The following RTTN variants were observed in gnomAD, a reference collection of about 807,000 sequenced individuals.
RTTN encodes rotatin.
RTTN carries 182 observed loss-of-function variants against 269.2 expected under a neutral mutation model. That is an observed-to-expected ratio of 0.68 (90% CI 0.60 to 0.76). The LOEUF (loss-of-function observed/expected upper bound fraction) is 0.76, where lower values mean the gene tolerates loss of function less well. Among genes scored for constraint, RTTN ranks in the 30% least tolerant of loss-of-function variants. The probability of loss-of-function intolerance (pLI) is 0.00; values close to 1 mark genes in which losing one functional copy is unlikely to be tolerated. For missense variants in RTTN, 2,545 were observed against 2,608.6 expected, an observed-to-expected ratio of 0.98 and a Z score of 0.53; for synonymous variants, 1,006 against 963.5, an observed-to-expected ratio of 1.04 and a Z score of -0.82.
At position 70,150,598 on chromosome 18, in the gene RTTN, A is replaced by T; in HGVS notation, c.2055+10T>A. ...TACTGTAATATTTTCACTCATGTTT[A>T]ATGTCATACCTCACTTTCGGGCTCT... is the stretch of plus-strand genomic sequence containing the variant. On this transcript the variant is annotated intron_variant, in intron 15 of 48. Coordinates refer to ENST00000640769, the MANE Select transcript of RTTN (RefSeq NM_173630.4). The T allele has an allele frequency of 1.2e-6, 2 of 1,610,776 alleles. No homozygotes were observed. Among genetic ancestry groups the T allele is most frequent in the Non-Finnish European group, 1.7e-6 (2 of 1,177,388 alleles).
chr18:70,172,681 A>T (rs1221083696), intron 11 of RTTN, among the ~76,000 whole-genome samples: 4 of 151,982 alleles, frequency 2.6e-5, no homozygotes, highest in African/African-American at 9.7e-5. Context: ...CAATAAAACA[A>T]TAACTACCTT....
At chr18:70,150,561 G>C (rs1197827942) in intron 15 of RTTN, 47 bp downstream of exon 15, 4 of 1,573,308 alleles carry the variant, frequency 2.5e-6, no homozygotes, top group Middle Eastern at 1.7e-4. Context: ...TGATTTAGCT[G>C]AGTATCTAAG....
intron 15 of RTTN, 75 bp downstream of exon 15, chr18:70,150,533 T>C: frequency 2.9e-6 from 4 of 1,385,102 alleles, no homozygotes; most frequent in Non-Finnish European, 4.1e-6. Flanking sequence ...CTATCTAAAC[T>C]ATATTAGAAT....
At position 70,030,012 on chromosome 18, in the gene RTTN, C is replaced by T. The variant is rs755262692; in HGVS notation, c.5745G>A (p.Lys1915=). ...LRPGKAALKK[K]EDGVIKELSI... ...CCATTCATTTATCCCAGAATGTTAC[C>T]TTTTTTTTCAATGCTGCTTTCCCAG... The change falls in exon 42 of 49, where the codon AAG becomes AAA. Residue 1915 remains lysine (K), a splice_region_variant and synonymous_variant. Transcript: ENST00000640769. 1 of 1,604,714 alleles carries T rather than the reference C, an allele frequency of 6.2e-7. No individual in the cohort carries two copies. The highest frequency in any genetic ancestry group is 1.1e-5 in the South Asian group (1 of 90,764).
At chr18:70,099,410 G>T (rs543836036) in intron 28 of RTTN, among the ~76,000 whole-genome samples, 205 of 152,164 alleles carry the variant, frequency 1.3e-3, no homozygotes, top group African/African-American at 4.4e-3. Flanking sequence ...CATATCCTTC[G>T]CCCACTTTTT....
intron 28 of RTTN, among the ~76,000 whole-genome samples, chr18:70,095,130 T>TC (rs1480512122): frequency 6.6e-6 from 1 of 151,158 alleles, no homozygotes; most frequent in East Asian, 1.9e-4. Context: ...ACTCCTGCTT[T>TC]TTTTTTTCTT....
At chr18:70,088,954 AATTTC>A (rs776515663) in intron 30 of RTTN, among the ~76,000 whole-genome samples, 4 of 152,234 alleles carry the variant, frequency 2.6e-5, no homozygotes. Flanking sequence ...CATTTAATTT[AATTTC>A]ATTATATGAC....
intron 46 of RTTN, chr18:70,008,963 A>C (rs543185059): frequency 2.6e-5 from 4 of 152,308 alleles, no homozygotes; most frequent in Admixed American, 2.6e-4. Flanking sequence ...CATAATCATC[A>C]GATTCACCAA....
At chr18:70,032,382 C>A (rs950085883) in intron 40 of RTTN, among the ~76,000 whole-genome samples, 5 of 152,192 alleles carry the variant, frequency 3.3e-5, no homozygotes, top group Admixed American at 6.5e-5. Flanking sequence ...GGACACGCAC[C>A]AGCATTCTTC....
chr18:70,167,852 A>G (rs1272151184), intron 12 of RTTN, among the ~76,000 whole-genome samples: 5 of 152,202 alleles, frequency 3.3e-5, no homozygotes, highest in Non-Finnish European at 7.3e-5. Context: ...AAAATCATAA[A>G]TATCAAGTTC....
chr18:70,078,703 T>C (rs2058488766), intron 32 of RTTN, among the ~76,000 whole-genome samples: 1 of 152,108 alleles, frequency 6.6e-6, no homozygotes, highest in Admixed American at 6.6e-5. Flanking sequence ...TAAGTGTCTC[T>C]GTAGTGAGTT....
At chr18:70,024,918 C>G (rs747841425) in intron 43 of RTTN, 70 bp from the exon 44 acceptor site, 223 of 1,532,076 alleles carry the variant, frequency 1.5e-4, no homozygotes, top group Non-Finnish European at 1.9e-4. Context: ...ATCAAAACAA[C>G]AACAGAAAGC....
intron 14 of RTTN, among the ~76,000 whole-genome samples, chr18:70,165,746 A>T (rs2060968063): frequency 6.6e-6 from 1 of 152,194 alleles, no homozygotes; most frequent in Non-Finnish European, 1.5e-5. Flanking sequence ...ACAACAACCT[A>T]AAAGGTTTCC....
In RTTN at chr18:70,081,772, A is replaced by AT. The variant is rs1004865492; in HGVS notation, c.4374+4840dup. On this transcript the variant is annotated intron_variant, in intron 32 of 48. Transcript: ENST00000640769. ...AGCTGGATCTTGGATCCAGGATTGGATTTTTTTTTCTTTTTTTTCTATTAA... is the reference window on the plus strand; with the variant it reads ...AGCTGGATCTTGGATCCAGGATTGGATTTTTTTTTTCTTTTTTTTCTATTAA... Among the ~76,000 whole-genome samples the AT allele has an allele frequency of 6.3e-4, 96 of 151,490 alleles. 1 individual carries two copies. The highest frequency in any genetic ancestry group is 5.8e-3 in the Admixed American group (88 of 15,196).
At chr18:70,034,888 C>T (rs1249614309) in intron 40 of RTTN, among the ~76,000 whole-genome samples, 1 of 152,120 alleles carries the variant, frequency 6.6e-6, no homozygotes, top group Non-Finnish European at 1.5e-5. Context: ...ACTAACATTC[C>T]TATATACCAA....
At chr18:70,180,397 T>C (rs1032490496) in intron 10 of RTTN, among the ~76,000 whole-genome samples, 1 of 151,298 alleles carries the variant, frequency 6.6e-6, no homozygotes, top group African/African-American at 2.4e-5. Flanking sequence ...GCCTGGCCAA[T>C]CTGGCAAAAC....
chr18:70,134,648 G>A (rs2060079048), intron 22 of RTTN, 107 bp from the exon 23 acceptor site: 2 of 672,412 alleles, frequency 3.0e-6, no homozygotes, highest in Non-Finnish European at 5.2e-6. Flanking sequence ...AAATCAAGCA[G>A]TGCAACTGAG....
chr18:70,008,548 AAAG>A (rs1291920203), intron 46 of RTTN: 1 of 152,144 alleles, frequency 6.6e-6, no homozygotes, highest in African/African-American at 2.4e-5. Flanking sequence ...TAACCAGTTT[AAAG>A]AAGAACATAA....
chr18:70,182,307 A>C (rs1475748058), intron 10 of RTTN, among the ~76,000 whole-genome samples: 1 of 152,112 alleles, frequency 6.6e-6, no homozygotes, highest in Non-Finnish European at 1.5e-5. Flanking sequence ...TCTGTAATTT[A>C]TTTTTTTATA....
Sources: allele counts gnomAD v4.1 joint callset (sites outside exome capture counted in the v4.1 genomes callset), GRCh38; gene constraint gnomAD v4.1.1; transcripts MANE v1.5; gene names NCBI Gene and HGNC (gene_info 2026-07-23, HGNC 2026-07-21).